The following PCDH15 variants were observed in gnomAD, a reference collection of about 807,000 sequenced individuals.
The protein encoded by PCDH15 is protocadherin related 15, also known as protocadherin-15.
A neutral mutation model predicts 178.5 loss-of-function variants in PCDH15; 129 were observed. The ratio of observed to expected loss-of-function variants is 0.72; its 90% confidence interval spans 0.63 to 0.84. The LOEUF (loss-of-function observed/expected upper bound fraction) is 0.84, where lower values mean the gene tolerates loss of function less well. Among genes scored for constraint, PCDH15 ranks in the 40% least tolerant of loss-of-function variants. The pLI is 0.00. For missense variants in PCDH15, 2,230 were observed against 2,099.9 expected, an observed-to-expected ratio of 1.06 and a Z score of -1.21; for synonymous variants, 800 against 732.0, an observed-to-expected ratio of 1.09 and a Z score of -1.50.
chr10:55,577,776 T>A (rs1335230488), intron 2 of PCDH15, among the ~76,000 whole-genome samples: 4 of 152,236 alleles, frequency 2.6e-5, no homozygotes, highest in Non-Finnish European at 5.9e-5. Context: ...GCTAACAGCA[T>A]TCTTAAATGT....
chr10:55,029,278 T>C (rs554355871), intron 2 of PCDH15, among the ~76,000 whole-genome samples: 2 of 152,036 alleles, frequency 1.3e-5, no homozygotes, highest in Non-Finnish European at 2.9e-5. Context: ...CCCAAAATAG[T>C]ATCTGTTATG....
chr10:54,762,898 A>G (rs1948067203), intron 1 of PCDH15, among the ~76,000 whole-genome samples: 1 of 152,204 alleles, frequency 6.6e-6, no homozygotes, highest in South Asian at 2.1e-4. Flanking sequence ...TATTTTATAT[A>G]AAGTATAGTT....
At chr10:55,437,532 G>GA (rs569965829) in intron 2 of PCDH15, among the ~76,000 whole-genome samples, 97 of 152,050 alleles carry the variant, frequency 6.4e-4, no homozygotes, top group East Asian at 4.4e-3. Context: ...GGCTAATAAA[G>GA]AAAAAATGGC....
At chr10:54,545,970 A>G (rs936198392) in intron 2 of PCDH15, among the ~76,000 whole-genome samples, 1 of 152,252 alleles carries the variant, frequency 6.6e-6, no homozygotes, top group South Asian at 2.1e-4. Flanking sequence ...AGTGAGCCAA[A>G]GGGAAGTCAG....
chr10:55,243,867 T>C (rs1003994834), intron 1 of PCDH15, among the ~76,000 whole-genome samples: 1 of 152,148 alleles, frequency 6.6e-6, no homozygotes, highest in East Asian at 1.9e-4. Context: ...TATCTTATTG[T>C]CTCTCTGAAT....
chr10:54,108,191 A>G lies in PCDH15; in HGVS notation c.1918-18128T>C, dbSNP rs1478332491. On this transcript the variant is annotated intron_variant, in intron 15 of 37. Coordinates refer to ENST00000644397, the MANE Select transcript of PCDH15 (RefSeq NM_001384140.1). ...AAAATGTCAGGTGAGCACTCACAGT[A>G]CCTGGCTGTAAATACATATCACTGA... Among the ~76,000 whole-genome samples the G allele has an allele frequency of 2.6e-5, 4 of 152,156 alleles. No homozygotes were observed. The East Asian group carries it at 5.8e-4, about 22-fold the overall frequency.
At chr10:54,640,336 T>G (rs1235900195) in intron 2 of PCDH15, among the ~76,000 whole-genome samples, 3 of 152,010 alleles carry the variant, frequency 2.0e-5, no homozygotes, top group South Asian at 4.1e-4. Flanking sequence ...TTAGGAATAC[T>G]TACTATTATT....
intron 2 of PCDH15, among the ~76,000 whole-genome samples, chr10:54,581,428 T>C (rs1377866552): frequency 6.6e-6 from 1 of 152,022 alleles, no homozygotes; most frequent in Non-Finnish European, 1.5e-5. Context: ...AAAGAAATAA[T>C]AGATGACACA....
chr10:54,307,502 T>G (rs1341916840), intron 8 of PCDH15, among the ~76,000 whole-genome samples: 5 of 151,656 alleles, frequency 3.3e-5, no homozygotes, highest in Non-Finnish European at 7.4e-5. Context: ...TATATTTATT[T>G]AGAAAAGAAA....
chr10:54,991,181 T>G (rs1251671102), intron 2 of PCDH15, among the ~76,000 whole-genome samples: 1 of 152,160 alleles, frequency 6.6e-6, no homozygotes, highest in African/African-American at 2.4e-5. Flanking sequence ...GTTTAATCAA[T>G]AGTATTGACC....
intron 2 of PCDH15, among the ~76,000 whole-genome samples, chr10:55,083,351 A>G (rs1842090478): frequency 6.6e-6 from 1 of 151,900 alleles, no homozygotes; most frequent in African/African-American, 2.4e-5. Context: ...TACTTGATAA[A>G]ATTTGACATT....
At chr10:54,462,956 C>G (rs2077289957) in intron 3 of PCDH15, among the ~76,000 whole-genome samples, 1 of 151,878 alleles carries the variant, frequency 6.6e-6, no homozygotes, top group Non-Finnish European at 1.5e-5. Flanking sequence ...ATGTTTACAT[C>G]ATTTTAAAAC....
chr10:54,049,668 T>G (rs926479908), intron 18 of PCDH15, among the ~76,000 whole-genome samples: 2 of 151,924 alleles, frequency 1.3e-5, no homozygotes, highest in East Asian at 1.9e-4. Flanking sequence ...TCACCCAGGC[T>G]GGCATGCAAT....
intron 2 of PCDH15, among the ~76,000 whole-genome samples, chr10:55,050,208 AGGGTTAGAAGTCCT>A (rs147105037): frequency 0.071 from 10,809 of 151,988 alleles, 507 homozygotes; most frequent in East Asian, 0.24. Context: ...CTGAGCTTTC[AGGGTTAGAAGTCCT>A]GGGTTTGATT....
intron 8 of PCDH15, among the ~76,000 whole-genome samples, chr10:54,307,040 G>GTGTA (rs1554890891): frequency 3.4e-5 from 1 of 29,328 alleles, no homozygotes; most frequent in Non-Finnish European, 5.8e-5. Context: ...GTGTGTGTGT[G>GTGTA]TATATATATA....
intron 2 of PCDH15, among the ~76,000 whole-genome samples, chr10:55,427,217 T>C (rs1175048450): frequency 2.0e-5 from 3 of 152,152 alleles, no homozygotes; most frequent in Non-Finnish European, 4.4e-5. Flanking sequence ...ACCATGCTTT[T>C]CCCCTAATAT....
At chr10:54,142,209 G>A (rs1257531192) in intron 14 of PCDH15, among the ~76,000 whole-genome samples, 1 of 152,014 alleles carries the variant, frequency 6.6e-6, no homozygotes, top group Non-Finnish European at 1.5e-5. Flanking sequence ...AAGCCACTGT[G>A]TTTTAATTTG....
Position 54,395,901 on chromosome 10 carries a change from A to G in PCDH15, c.158-16959T>C, listed in dbSNP as rs184260802. ...AATATGAAACTGTGCATGGGAGTGG[A>G]GTGAGGAATAATTGAAGAAAAGGCT... On this transcript the variant is annotated intron_variant, in intron 3 of 37. Transcript: ENST00000644397. Among the ~76,000 whole-genome samples the G allele has an allele frequency of 7.0e-4, 106 of 152,258 alleles. 1 individual carries two copies. Among genetic ancestry groups the G allele is most frequent in the African/African-American group, 2.3e-3 (95 of 41,562 alleles).
chr10:54,012,563 A>G (rs563011813), intron 20 of PCDH15, among the ~76,000 whole-genome samples: 6 of 152,286 alleles, frequency 3.9e-5, no homozygotes, highest in South Asian at 2.1e-4. Flanking sequence ...CAGGAAACCT[A>G]CAAAGAGAAC....
Sources: allele counts gnomAD v4.1 joint callset (sites outside exome capture counted in the v4.1 genomes callset), GRCh38; gene constraint gnomAD v4.1.1; transcripts MANE v1.5; gene names NCBI Gene and HGNC (gene_info 2026-07-23, HGNC 2026-07-21).